GABRA3: variants seen among roughly 807,000 people sequenced by gnomAD.
The protein encoded by GABRA3 is gamma-aminobutyric acid receptor subunit alpha-3.
A neutral mutation model predicts 30.1 loss-of-function variants in GABRA3; 10 were observed. The observed-to-expected ratio is 0.33, with a 90% confidence interval of 0.20 to 0.56. GABRA3 has a LOEUF of 0.56. Ranked by LOEUF, GABRA3 falls within the 20% of genes least tolerant of loss-of-function variation. GABRA3 has a pLI of 0.89. For missense variants in GABRA3, 233 were observed against 392.0 expected (o/e 0.59, Z 3.42); for synonymous variants, 151 against 146.8 (o/e 1.03, Z -0.21).
chrX:152,449,762 C>T (rs929070632), intron 1 of GABRA3, among the ~76,000 whole-genome samples: 1 of 111,969 alleles, frequency 8.9e-6, no homozygotes, highest in Non-Finnish European at 1.9e-5. Context: ...GTTAAGACCA[C>T]GGATTCTGGA....
At chrX:152,304,190 A>G (rs995827441) in intron 3 of GABRA3, among the ~76,000 whole-genome samples, 1 of 111,672 alleles carries the variant, frequency 9.0e-6, no homozygotes, top group Non-Finnish European at 1.9e-5. Flanking sequence ...CTTATAGCAT[A>G]TGGATATTAA....
At chrX:152,185,097 C>T (rs1201205638) in intron 9 of GABRA3, among the ~76,000 whole-genome samples, 1 of 111,637 alleles carries the variant, frequency 9.0e-6, no homozygotes, top group Non-Finnish European at 1.9e-5. Flanking sequence ...TAATATGTCT[C>T]CCTAATGGAA....
intron 3 of GABRA3, among the ~76,000 whole-genome samples, chrX:152,340,171 T>C (rs1410227387): frequency 8.9e-6 from 1 of 112,160 alleles, no homozygotes; most frequent in African/African-American, 3.2e-5. Context: ...CGTTGCTTTA[T>C]TAGCTAAATT....
intron 1 of GABRA3, among the ~76,000 whole-genome samples, chrX:152,408,633 A>T (rs1392237881): frequency 9.0e-6 from 1 of 111,374 alleles, no homozygotes; most frequent in African/African-American, 3.3e-5. Context: ...TGTCCATTCT[A>T]TGCAAAGCAA....
chrX:152,269,539 G>A (rs955701800), intron 4 of GABRA3, among the ~76,000 whole-genome samples: 3 of 111,976 alleles, frequency 2.7e-5, no homozygotes, highest in African/African-American at 9.7e-5. Context: ...AAGCAATCCT[G>A]AGCAAAAAGA....
intron 3 of GABRA3, among the ~76,000 whole-genome samples, chrX:152,293,344 G>T (rs1238324704): frequency 1.8e-5 from 2 of 111,394 alleles, no homozygotes; most frequent in African/African-American, 6.5e-5. Context: ...TTGGTTTAAA[G>T]TCTGTTTTAT....
intron 4 of GABRA3, among the ~76,000 whole-genome samples, chrX:152,259,859 G>T (rs1401819479): frequency 9.1e-6 from 1 of 110,058 alleles, no homozygotes; most frequent in Non-Finnish European, 1.9e-5. Flanking sequence ...AAAGTGGAGG[G>T]AAAAGTAAAT....
At chrX:152,317,122 C>T (rs1300232878) in intron 3 of GABRA3, among the ~76,000 whole-genome samples, 2 of 111,366 alleles carry the variant, frequency 1.8e-5, no homozygotes, top group African/African-American at 6.5e-5. Context: ...ACTCACCTAA[C>T]AAATAAGGAG....
chrX:152,278,888 T>G (rs1334108113), intron 4 of GABRA3, among the ~76,000 whole-genome samples: 13 of 112,344 alleles, frequency 1.2e-4, no homozygotes, highest in Non-Finnish European at 2.1e-4. Context: ...TCATGTGTCT[T>G]TTGGCTGCAT....
At chrX:152,358,660 A>T (rs998834722) in intron 2 of GABRA3, among the ~76,000 whole-genome samples, 1 of 111,455 alleles carries the variant, frequency 9.0e-6, no homozygotes, top group Non-Finnish European at 1.9e-5. Context: ...CCCATTCAGT[A>T]TGCTATTGGC....
intron 1 of GABRA3, among the ~76,000 whole-genome samples, chrX:152,372,826 G>T (rs189143630): frequency 3.6e-3 from 406 of 111,865 alleles, no homozygotes; most frequent in Non-Finnish European, 5.5e-3. Flanking sequence ...AATAAATTGG[G>T]ATTTATATTA....
At chrX:152,218,836 G>C (rs1045458316) in intron 6 of GABRA3, among the ~76,000 whole-genome samples, 1 of 110,902 alleles carries the variant, frequency 9.0e-6, no homozygotes, top group African/African-American at 3.3e-5. Flanking sequence ...GTTAATTTCC[G>C]GAGTTTGGAG....
chrX:152,175,937 G>A (rs1937069453), intron 9 of GABRA3, among the ~76,000 whole-genome samples: 1 of 109,725 alleles, frequency 9.1e-6, no homozygotes, highest in African/African-American at 3.3e-5. Flanking sequence ...GGTGGTACAC[G>A]CCTGTAGTCC....
intron 3 of GABRA3, among the ~76,000 whole-genome samples, chrX:152,307,009 T>G (rs773405390): frequency 1.1e-3 from 127 of 110,876 alleles, no homozygotes; most frequent in East Asian, 2.0e-3. Context: ...GAGAGTACAC[T>G]GTTCACTCTT....
intron 3 of GABRA3, among the ~76,000 whole-genome samples, chrX:152,329,185 C>T (rs778922638): frequency 3.6e-5 from 4 of 111,373 alleles, no homozygotes; most frequent in South Asian, 3.8e-4. Flanking sequence ...CACTGCTCAA[C>T]GAAATAAAAG....
At chrX:152,200,485 TTCTC>T (rs1039248697) in intron 7 of GABRA3, among the ~76,000 whole-genome samples, 4 of 111,829 alleles carry the variant, frequency 3.6e-5, no homozygotes, top group Non-Finnish European at 7.5e-5. Flanking sequence ...TCTCTTTTCT[TTCTC>T]TCTGCTTCTT....
chrX:152,234,693 A>T (rs1938161746), intron 5 of GABRA3, among the ~76,000 whole-genome samples: 1 of 111,147 alleles, frequency 9.0e-6, no homozygotes, highest in South Asian at 3.8e-4. Context: ...GCGTATTGCA[A>T]CCCAAATTTC....
chrX:152,431,398 T>C (rs1300823530), intron 1 of GABRA3, among the ~76,000 whole-genome samples: 1 of 111,971 alleles, frequency 8.9e-6, no homozygotes, highest in Non-Finnish European at 1.9e-5. Context: ...TGGAAGAGAG[T>C]TTGAGCTTGA....
rs1928603763 is a variant in GABRA3 at position 152,364,571 on chromosome X, C to G, written c.-1G>C. ...AGTGACTTGTTTGTGTGATTATCAT[C>G]TTCTTAGGCACAAACTTGGAGAGAC... On this transcript the variant is annotated 5_prime_UTR_variant, in exon 2 of 10. Coordinates refer to ENST00000370314, the MANE Select transcript of GABRA3 (RefSeq NM_000808.4). 8.3e-7 allele frequency: 1 copy of G among 1,201,667 alleles called. No homozygotes were observed. Among genetic ancestry groups the G allele is most frequent in the Non-Finnish European group, 1.1e-6 (1 of 890,655 alleles).
Sources: gnomAD v4.1 joint callset for allele counts (sites outside exome capture counted in the v4.1 genomes callset) on GRCh38, gnomAD v4.1.1 for gene constraint, MANE v1.5 for transcripts, NCBI Gene and HGNC (gene_info 2026-07-23, HGNC 2026-07-21) for gene names.